TCF20: variants seen among roughly 807,000 people sequenced by gnomAD.
The protein encoded by TCF20 is SPRE-binding protein.
In TCF20, 3 loss-of-function variants were observed where a neutral mutation model predicts 148.6. That is an observed-to-expected ratio of 0.02 (90% CI 0.01 to 0.05). The LOEUF (loss-of-function observed/expected upper bound fraction) is 0.05, where lower values mean the gene tolerates loss of function less well. Ranked by LOEUF, TCF20 falls within the 10% of genes least tolerant of loss-of-function variation. The pLI, the probability that TCF20 is intolerant of heterozygous loss-of-function variation, is 1.00. For missense variants in TCF20, 2,350 were observed against 2,429.3 expected (o/e 0.97, Z 0.69); for synonymous variants, 1,049 against 909.5 (o/e 1.15, Z -2.76).
At chr22:42,315,115 G>A (rs1927605368) in intron 1 of TCF20, among the ~76,000 whole-genome samples, 1 of 152,138 alleles carries the variant, frequency 6.6e-6, no homozygotes, top group Non-Finnish European at 1.5e-5. Flanking sequence ...GACCCAAGCA[G>A]GGAGGGGGCA....
chr22:42,334,823 G>A (rs922157100), intron 1 of TCF20, among the ~76,000 whole-genome samples: 3 of 152,200 alleles, frequency 2.0e-5, no homozygotes, highest in East Asian at 1.9e-4. Flanking sequence ...CCCCAAGCAC[G>A]TGGGCTCCTC....
At chr22:42,239,986 A>C in intron 1 of TCF20, among the ~76,000 whole-genome samples, 1 of 152,170 alleles carries the variant, frequency 6.6e-6, no homozygotes, top group East Asian at 1.9e-4. Flanking sequence ...GAAGTACAAT[A>C]AAGTAGAATG....
upstream of TCF20, among the ~76,000 whole-genome samples, chr22:42,285,223 C>T (rs1201770223): frequency 6.6e-6 from 1 of 152,180 alleles, no homozygotes; most frequent in Non-Finnish European, 1.5e-5. This position sits in a 1 kb window ranked among gnomAD's most constrained non-coding sequence, Gnocchi z 4.2. Flanking sequence ...TTGGCACACG[C>T]CTGCCACTGA....
At chr22:42,278,381 A>G (rs1017949196) in intron 1 of TCF20, 1 of 152,240 alleles carries the variant, frequency 6.6e-6, no homozygotes, top group African/African-American at 2.4e-5. Flanking sequence ...ACTAGGACCT[A>G]ACGGAAGTCC....
rs373594904 is a variant in TCF20, at chr22:42,211,152, A to G, written c.4154T>C (p.Ile1385Thr). Residue 1385 changes from isoleucine (I) to threonine (T), a missense_variant, in exon 2 of 6, where the codon ATA (isoleucine) becomes ACA (threonine). This residue lies in a region of TCF20 where 231 missense variants were observed against 213.7 expected (regional missense o/e 1.08). Transcript: ENST00000677622. Reference sequence around the variant, plus strand: ...AGGAGGACCACTCTTCAAAGACAGTATATCATCAAGCGTAACCGTGTCTCC... The same window carrying G: ...AGGAGGACCACTCTTCAAAGACAGTGTATCATCAAGCGTAACCGTGTCTCC... ...AGGDTVTLDD[I>T]LSLKSGPPEG... The G allele has an allele frequency of 6.2e-7, 1 of 1,614,196 alleles. No homozygotes were observed. The highest frequency in any genetic ancestry group is 8.5e-7 in the Non-Finnish European group (1 of 1,180,030).
intron 1 of TCF20, chr22:42,276,824 A>G (rs755706447): frequency 6.6e-6 from 1 of 152,102 alleles, no homozygotes; most frequent in Non-Finnish European, 1.5e-5. Flanking sequence ...ATCACGTTTG[A>G]TTCCAGGGGA....
chr22:42,288,007 T>C (rs762799178), upstream of TCF20, among the ~76,000 whole-genome samples: 6 of 152,230 alleles, frequency 3.9e-5, no homozygotes, highest in Non-Finnish European at 1.5e-5. Flanking sequence ...TCCAGCACCC[T>C]GGGCAAAGAG....
chr22:42,250,439 T>A (rs537101485), intron 1 of TCF20, among the ~76,000 whole-genome samples: 39 of 90,888 alleles, frequency 4.3e-4, no homozygotes, highest in Non-Finnish European at 6.8e-4. Flanking sequence ...ACAGTGAAAC[T>A]CCATCTCAAA....
At chr22:42,260,657 A>T (rs966432965) in intron 1 of TCF20, among the ~76,000 whole-genome samples, 8 of 152,214 alleles carry the variant, frequency 5.3e-5, no homozygotes, top group Non-Finnish European at 7.4e-5. Flanking sequence ...GTTAATTTTT[A>T]AAAAATTTTA....
chr22:42,309,183 G>C (rs1298606757), intron 1 of TCF20, among the ~76,000 whole-genome samples: 1 of 152,086 alleles, frequency 6.6e-6, no homozygotes, highest in East Asian at 1.9e-4. Flanking sequence ...CAACCCCTGC[G>C]GGACAGTCAC....
chr22:42,173,787 T>A (rs921572191), intron 3 of TCF20, among the ~76,000 whole-genome samples: 4 of 152,146 alleles, frequency 2.6e-5, no homozygotes, highest in African/African-American at 9.7e-5. Context: ...TGAAACTGCC[T>A]CTGGGTCCCA....
intron 2 of TCF20, among the ~76,000 whole-genome samples, chr22:42,183,727 C>T (rs1368346050): frequency 2.0e-5 from 3 of 151,358 alleles, no homozygotes; most frequent in Admixed American, 2.0e-4. Flanking sequence ...AACTAATACA[C>T]GGGGATTTCC....
chr22:42,251,565 T>C (rs1925372919), intron 1 of TCF20, among the ~76,000 whole-genome samples: 1 of 129,404 alleles, frequency 7.7e-6, no homozygotes, highest in Admixed American at 9.5e-5. Context: ...TACAGTGGCA[T>C]GATCTCAGCT....
intron 1 of TCF20, among the ~76,000 whole-genome samples, chr22:42,266,100 G>A (rs562492772): frequency 6.6e-6 from 1 of 151,894 alleles, no homozygotes; most frequent in South Asian, 2.1e-4. Flanking sequence ...AAAAAAAAGA[G>A]GGGCACAGCA....
At chr22:42,200,360 A>C (rs1039905659) in intron 2 of TCF20, among the ~76,000 whole-genome samples, 7 of 151,898 alleles carry the variant, frequency 4.6e-5, no homozygotes, top group Non-Finnish European at 1.0e-4. Flanking sequence ...AAATCTATCA[A>C]CTTTAGCCGG....
intron 1 of TCF20, among the ~76,000 whole-genome samples, chr22:42,312,295 A>G (rs1927550521): frequency 6.6e-6 from 1 of 152,174 alleles, no homozygotes; most frequent in Non-Finnish European, 1.5e-5. Flanking sequence ...GCCTGGTACC[A>G]GGACAGCCCA....
intron 1 of TCF20, among the ~76,000 whole-genome samples, chr22:42,219,588 G>A (rs983096985): frequency 3.9e-5 from 6 of 151,992 alleles, no homozygotes; most frequent in Non-Finnish European, 8.8e-5. Context: ...GGGCACAGTG[G>A]CTCACCCCTG....
At position 42,160,239 on chromosome 22, in the gene TCF20, CAACAT is replaced by C. The variant is rs1229212464; in HGVS notation, c.*1159_*1163del. On this transcript the variant is annotated 3_prime_UTR_variant, in exon 6 of 6. Transcript: ENST00000677622. Reference sequence around the variant, plus strand: ...ATACAATTTACAAAACAAAACAACACAACATAAAGAATCACGTAGCATGGGGCTGC... The same window carrying C: ...ATACAATTTACAAAACAAAACAACACAAAGAATCACGTAGCATGGGGCTGC... The C allele has an allele frequency of 6.6e-6, 1 of 152,494 alleles. No homozygotes were observed. The highest frequency in any genetic ancestry group is 1.5e-5 in the Non-Finnish European group (1 of 68,020). 9.4% of individuals were successfully genotyped at this position (152,494 alleles called of 1,614,324 possible).
At chr22:42,307,136 G>T (rs980528475) in intron 1 of TCF20, among the ~76,000 whole-genome samples, 9 of 152,012 alleles carry the variant, frequency 5.9e-5, no homozygotes, top group African/African-American at 2.2e-4. Flanking sequence ...TCTGACGACA[G>T]CATGGGGTTG....
Sources: gnomAD v4.1 joint callset for allele counts (sites outside exome capture counted in the v4.1 genomes callset) on GRCh38, gnomAD v4.1.1 for gene constraint, gnomAD v4.1.1 regional missense constraint, Gnocchi (gnomAD v3.1) non-coding constraint, MANE v1.5 for transcripts, NCBI Gene and HGNC (gene_info 2026-07-23, HGNC 2026-07-21) for gene names.